Variants in STON1 observed in about 807,000 individuals in gnomAD.
The protein encoded by STON1 is stonin 1.
A neutral mutation model predicts 60.9 loss-of-function variants in STON1; 79 were observed. That is an observed-to-expected ratio of 1.30 (90% CI 1.08 to 1.56). The LOEUF (loss-of-function observed/expected upper bound fraction) is 1.56. STON1 is among the 40% of genes most tolerant of loss of function. The pLI is 0.00. For synonymous variants in STON1, 363 were observed against 306.9 expected (o/e 1.18, Z -1.91); for missense variants, 1,166 against 858.9 (o/e 1.36, Z -4.47).
intron 1 of STON1, among the ~76,000 whole-genome samples, chr2:48,547,202 C>T (rs1045754789): frequency 6.6e-6 from 1 of 152,200 alleles, no homozygotes; most frequent in Non-Finnish European, 1.5e-5. Context: ...ATTTCCTCAT[C>T]TCTCAAATGA....
chr2:48,546,287 C>G (rs1671862585), intron 1 of STON1, among the ~76,000 whole-genome samples: 3 of 152,212 alleles, frequency 2.0e-5, no homozygotes, highest in African/African-American at 7.2e-5. Flanking sequence ...GCCTGTAGTT[C>G]TCTCCCTGTG....
At chr2:48,537,582 C>T (rs759459842) in intron 1 of STON1, among the ~76,000 whole-genome samples, 3 of 152,102 alleles carry the variant, frequency 2.0e-5, no homozygotes, top group Non-Finnish European at 2.9e-5. Flanking sequence ...GGTGTGGTGG[C>T]TCATGCCTGT....
intron 1 of STON1, among the ~76,000 whole-genome samples, chr2:48,563,184 T>G (rs1254220490): frequency 6.6e-6 from 1 of 152,198 alleles, no homozygotes; most frequent in East Asian, 1.9e-4. Flanking sequence ...AATCCCCTGA[T>G]TTCTCCACCT....
intron 1 of STON1, among the ~76,000 whole-genome samples, chr2:48,546,183 A>G (rs183138601): frequency 5.0e-4 from 76 of 152,072 alleles, no homozygotes; most frequent in African/African-American, 1.8e-3. Context: ...GACCCTGTTT[A>G]TTGTCTCTTT....
chr2:48,549,006 C>G (rs1671981433), intron 1 of STON1, among the ~76,000 whole-genome samples: 2 of 152,140 alleles, frequency 1.3e-5, no homozygotes, highest in African/African-American at 4.8e-5. Flanking sequence ...CTGGCAGAGT[C>G]AATGAGCCCG....
chr2:48,569,372 C>T (rs1024367101), intron 1 of STON1, among the ~76,000 whole-genome samples: 2 of 152,118 alleles, frequency 1.3e-5, no homozygotes, highest in Non-Finnish European at 2.9e-5. Context: ...ATTATTCAAT[C>T]AGAAATGTAT....
chr2:48,560,861 T>G (rs2293270), intron 1 of STON1, among the ~76,000 whole-genome samples: 1 of 151,892 alleles, frequency 6.6e-6, no homozygotes, highest in African/African-American at 2.4e-5. Context: ...CTCCTTGAAA[T>G]TGGCCCTCAC....
At chr2:48,542,040 A>G (rs1224881939) in intron 1 of STON1, among the ~76,000 whole-genome samples, 1 of 152,222 alleles carries the variant, frequency 6.6e-6, no homozygotes, top group Non-Finnish European at 1.5e-5. Context: ...GAAAAGAAAA[A>G]ACATGTGGAA....
intron 1 of STON1, among the ~76,000 whole-genome samples, chr2:48,563,955 C>T (rs62135209): frequency 0.12 from 18,131 of 151,782 alleles, 1,468 homozygotes; most frequent in Middle Eastern, 0.25. Context: ...CACCTCAGCC[C>T]TCCAAAGTGC....
Position 48,570,854 on chromosome 2 carries a change from T to G in STON1, c.-47-9733T>G, listed in dbSNP as rs1036357013. Among the ~76,000 whole-genome samples, 8 of 138,966 alleles carry G rather than the reference T, an allele frequency of 5.8e-5. 1 individual carries two copies. Among genetic ancestry groups the G allele is most frequent in the Non-Finnish European group, 6.2e-5 (4 of 64,422 alleles). The allele number at this position is 138,966 out of a possible 152,430, so 91.2% of individuals were successfully genotyped here. On this transcript the variant is annotated intron_variant, in intron 1 of 3. Coordinates refer to ENST00000404752, the MANE Select transcript of STON1 (RefSeq NM_006873.4). ...TCAACTGTCTCTGAGTTTTTTTTTT[T>G]TTTTTTTTTTTTTTTTTGTCTTTCC...
chr2:48,548,795 C>G (rs548685913), intron 1 of STON1, among the ~76,000 whole-genome samples: 1 of 152,304 alleles, frequency 6.6e-6, no homozygotes, highest in Middle Eastern at 3.4e-3. Context: ...CCACCATGCC[C>G]GGCCTCATTT....
At chr2:48,578,936 A>G (rs1443201305) in intron 1 of STON1, among the ~76,000 whole-genome samples, 1 of 151,368 alleles carries the variant, frequency 6.6e-6, no homozygotes, top group Non-Finnish European at 1.5e-5. Context: ...AAGATTAGAC[A>G]TCTCTGGTAT....
chr2:48,535,746 T>A (rs1372060600), intron 1 of STON1, among the ~76,000 whole-genome samples: 1 of 151,988 alleles, frequency 6.6e-6, no homozygotes, highest in East Asian at 1.9e-4. Context: ...AGGTATGGAT[T>A]TAGAAAATTT....
rs142768315 is a variant in STON1, at chr2:48,544,959, A to T, written c.-48+14743A>T. Among the ~76,000 whole-genome samples, 521 of 152,338 alleles carry T rather than the reference A, an allele frequency of 3.4e-3. 3 individuals carry two copies. The highest frequency in any genetic ancestry group is 0.011 in the African/African-American group (478 of 41,578). ...TGCAACCAGGAATCCCTCCTAGTGT[A>T]GCTCCAGGCCTGTTGCTCATTTGTG... is the stretch of plus-strand genomic sequence containing the variant. On this transcript the variant is annotated intron_variant, in intron 1 of 3. Transcript: ENST00000404752.
chr2:48,579,638 G>C (rs2103907598), intron 1 of STON1, among the ~76,000 whole-genome samples: 1 of 152,278 alleles, frequency 6.6e-6, no homozygotes, highest in Non-Finnish European at 1.5e-5. Context: ...AACCTAACGT[G>C]ATCTGCTTTG....
chr2:48,567,076 A>G (rs563239733), intron 1 of STON1, among the ~76,000 whole-genome samples: 84 of 152,182 alleles, frequency 5.5e-4, no homozygotes, highest in African/African-American at 2.0e-3. Flanking sequence ...GCCGTAGGGG[A>G]GGGGCAGTGT....
intron 1 of STON1, among the ~76,000 whole-genome samples, chr2:48,541,459 G>T (rs942489610): frequency 1.3e-4 from 19 of 150,658 alleles, no homozygotes; most frequent in African/African-American, 4.6e-4. Context: ...TGAGGCAGGC[G>T]GATCACTTGA....
In STON1 at chr2:48,580,848, G is replaced by T. The variant is rs770536804; in HGVS notation, c.215G>T (p.Ser72Ile). 2 of 1,558,092 alleles carry T rather than the reference G, an allele frequency of 1.3e-6. No individual in the cohort carries two copies. Among genetic ancestry groups the T allele is most frequent in the South Asian group, 2.5e-5 (2 of 79,152 alleles). Reference sequence around the variant, plus strand: ...TCCCCCATTGTAGATTTTTATTTCAGTCCAGGACCTCCAAGTAACTCTCCT... The same window carrying T: ...TCCCCCATTGTAGATTTTTATTTCATTCCAGGACCTCCAAGTAACTCTCCT... ...LSSPIVDFYF[S>I]PGPPSNSPLS... Residue 72 changes from serine (S) to isoleucine (I), a missense_variant, in exon 2 of 4, where the codon AGT becomes ATT. Coordinates refer to ENST00000404752, the MANE Select transcript of STON1 (RefSeq NM_006873.4).
chr2:48,585,764 C>A (rs564653718), intron 2 of STON1, among the ~76,000 whole-genome samples: 2 of 152,248 alleles, frequency 1.3e-5, no homozygotes, highest in African/African-American at 2.4e-5. Context: ...GAAAGTCAGG[C>A]AGGCTGGAAT....
Sources: allele counts gnomAD v4.1 joint callset (sites outside exome capture counted in the v4.1 genomes callset), GRCh38; gene constraint gnomAD v4.1.1; transcripts MANE v1.5; gene names NCBI Gene and HGNC (gene_info 2026-07-23, HGNC 2026-07-21).